Variants in CHRM5 observed in about 807,000 individuals in gnomAD.
CHRM5 encodes the protein cholinergic receptor muscarinic 5, also known as muscarinic acetylcholine receptor M5.
CHRM5 carries 18 observed loss-of-function variants against 39.0 expected under a neutral mutation model. That is an observed-to-expected ratio of 0.46 (90% CI 0.32 to 0.68). The LOEUF (loss-of-function observed/expected upper bound fraction) is 0.68, where lower values mean the gene tolerates loss of function less well. Among genes scored for constraint, CHRM5 ranks in the 30% least tolerant of loss-of-function variants. CHRM5 has a pLI of 0.04. For synonymous variants in CHRM5, 241 were observed against 246.3 expected (o/e 0.98, Z 0.20); for missense variants, 515 against 651.1 (o/e 0.79, Z 2.28).
intron 1 of CHRM5, among the ~76,000 whole-genome samples, chr15:34,041,828 TAGTA>T (rs1281804822): frequency 3.3e-5 from 5 of 152,214 alleles, no homozygotes; most frequent in Admixed American, 1.3e-4. Context: ...TTGCTCAAGC[TAGTA>T]AGTAACAGAA....
At position 34,066,807 on chromosome 15, in the gene CHRM5, C is replaced by T. The variant is rs941714262; in HGVS notation, c.*2491C>T. On this transcript the variant is annotated 3_prime_UTR_variant, in exon 3 of 3. Transcript: ENST00000383263. ...TCCAGTCTAAGTGACAGAGCAAGACCCTGCCTCAAAAAAAAAAAGAGAGAG... is the reference window on the plus strand; with the variant it reads ...TCCAGTCTAAGTGACAGAGCAAGACTCTGCCTCAAAAAAAAAAAGAGAGAG... 2 of 47,434 alleles carry T rather than the reference C, an allele frequency of 4.2e-5. No homozygotes were observed. Among genetic ancestry groups the T allele is most frequent in the African/African-American group, 1.4e-4 (2 of 13,830 alleles). 2.9% of individuals were successfully genotyped at this position (47,434 alleles called of 1,614,324 possible).
intron 2 of CHRM5, among the ~76,000 whole-genome samples, chr15:34,053,319 A>ATATATAT (rs1555520677): frequency 7.8e-4 from 33 of 42,052 alleles, no homozygotes; most frequent in South Asian, 3.0e-3. Context: ...AAAAAAAAAA[A>ATATATAT]ATATATATAT....
intron 1 of CHRM5, among the ~76,000 whole-genome samples, chr15:34,039,491 T>G (rs1899370616): frequency 6.6e-6 from 1 of 152,252 alleles, no homozygotes; most frequent in African/African-American, 2.4e-5. Flanking sequence ...GGTTAACTGC[T>G]GAGATTTGAA....
At chr15:33,997,872 T>C (rs1007956286) in intron 1 of CHRM5, among the ~76,000 whole-genome samples, 3 of 152,200 alleles carry the variant, frequency 2.0e-5, no homozygotes, top group African/African-American at 7.2e-5. Flanking sequence ...CAGGGAAAAG[T>C]ATACCTGTTC....
chr15:34,008,945 TGCGCGC>T (rs71119911), intron 1 of CHRM5, among the ~76,000 whole-genome samples: 10 of 149,026 alleles, frequency 6.7e-5, no homozygotes, highest in East Asian at 5.9e-4. Flanking sequence ...CACTCACACG[TGCGCGC>T]GCGCACACAC....
intron 1 of CHRM5, among the ~76,000 whole-genome samples, chr15:33,986,760 G>A (rs572757379): frequency 9.0e-6 from 1 of 111,212 alleles, no homozygotes; most frequent in South Asian, 2.6e-4. Context: ...AGGTTCAAGC[G>A]ATTCTCCTGT....
At chr15:34,032,521 G>A (rs941112102) in intron 1 of CHRM5, among the ~76,000 whole-genome samples, 1 of 152,118 alleles carries the variant, frequency 6.6e-6, no homozygotes, top group South Asian at 2.1e-4. Context: ...TGGATAGCCA[G>A]AAAACAAAAA....
At chr15:34,018,528 T>A (rs1250504444) in intron 1 of CHRM5, 2 of 152,628 alleles carry the variant, frequency 1.3e-5, no homozygotes, top group Non-Finnish European at 2.9e-5. Context: ...GGTGGGTTCG[T>A]GGTCTCGCTG....
chr15:34,064,093 A>C lies in CHRM5; in HGVS notation c.1376A>C (p.Asn459Thr). The change falls in exon 3 of 3, where the codon AAC (asparagine) becomes ACC (threonine). Residue 459 changes from asparagine to threonine, a missense_variant. Physicochemically the swap from Asn to Thr is moderately conservative, Grantham distance 65. Transcript: ENST00000383263. The part of the protein sequence containing the change: ...LAFIITWTPY[N>T]IMVLVSTFCD... The stretch of plus-strand genomic sequence containing the variant: ...TTCATCATCACATGGACCCCGTATA[A>C]CATCATGGTCCTGGTTTCTACCTTC... 1 of 1,614,150 alleles carries C rather than the reference A, an allele frequency of 6.2e-7. No individual in the cohort carries two copies. The highest frequency in any genetic ancestry group is 8.5e-7 in the Non-Finnish European group (1 of 1,180,028).
intron 1 of CHRM5, among the ~76,000 whole-genome samples, chr15:34,040,628 C>A (rs1899431364): frequency 6.6e-6 from 1 of 151,972 alleles, no homozygotes; most frequent in African/African-American, 2.4e-5. Context: ...TAAGTAACTT[C>A]CAAGATTACA....
At chr15:34,017,356 G>C (rs1347269426) in intron 1 of CHRM5, among the ~76,000 whole-genome samples, 1 of 151,888 alleles carries the variant, frequency 6.6e-6, no homozygotes, top group Non-Finnish European at 1.5e-5. Flanking sequence ...CCCAAAGAAT[G>C]ACATTTCAAA....
rs1899697918 is a variant in CHRM5, at chr15:34,046,704, G to C, written c.-243G>C. ...GCAGCTCTCATGCAAAGGAATGAAA[G>C]GTGTGAGTGAATACAGCGCCTTCAA... On this transcript the variant is annotated 5_prime_UTR_variant, in exon 2 of 3. Transcript: ENST00000383263. The C allele has an allele frequency of 6.6e-6, 1 of 152,248 alleles. No individual in the cohort carries two copies. Among genetic ancestry groups the C allele is most frequent in the Non-Finnish European group, 1.5e-5 (1 of 68,052 alleles). 9.4% of individuals were successfully genotyped at this position (152,248 alleles called of 1,614,324 possible).
chr15:34,064,002 C>A lies in CHRM5; in HGVS notation c.1285C>A (p.Arg429=), dbSNP rs772971999. The A allele has an allele frequency of 2.5e-6, 4 of 1,614,176 alleles. No homozygotes were observed. Among genetic ancestry groups the A allele is most frequent in the Non-Finnish European group, 8.5e-7 (1 of 1,180,030 alleles). Residue 429 remains arginine, a synonymous_variant, in exon 3 of 3, where the codon CGA becomes AGA. Transcript: ENST00000383263. The part of the protein sequence containing the change: ...NPNPSHQMTK[R]KRVVLVKERK... ...CAACCCCAGCCATCAAATGACCAAACGAAAGAGAGTGGTCCTAGTCAAAGA... is the reference window on the plus strand; with the variant it reads ...CAACCCCAGCCATCAAATGACCAAAAGAAAGAGAGTGGTCCTAGTCAAAGA...
At chr15:34,017,490 T>G (rs964873036) in intron 1 of CHRM5, among the ~76,000 whole-genome samples, 4 of 82,544 alleles carry the variant, frequency 4.8e-5, no homozygotes, top group African/African-American at 1.2e-4. Flanking sequence ...TTTTGTTTTT[T>G]TTTTTTTTTT....
intron 1 of CHRM5, among the ~76,000 whole-genome samples, chr15:34,033,676 G>C (rs567036910): frequency 1.9e-4 from 29 of 152,236 alleles, no homozygotes; most frequent in Admixed American, 5.9e-4. Flanking sequence ...AAACTTTCAA[G>C]TATGAAATAT....
chr15:33,988,479 T>C (rs979645164), intron 1 of CHRM5, among the ~76,000 whole-genome samples: 5 of 152,150 alleles, frequency 3.3e-5, no homozygotes, highest in Admixed American at 6.5e-5. Context: ...TTTAATGAAA[T>C]AGAGAATGTG....
At chr15:34,000,521 A>T (rs1447249105) in intron 1 of CHRM5, among the ~76,000 whole-genome samples, 1 of 152,230 alleles carries the variant, frequency 6.6e-6, no homozygotes, top group East Asian at 1.9e-4. Context: ...TTATGATTGC[A>T]CACCTAAGGA....
chr15:34,057,818 C>G (rs1333630246), intron 2 of CHRM5, among the ~76,000 whole-genome samples: 3 of 152,170 alleles, frequency 2.0e-5, no homozygotes, highest in South Asian at 4.1e-4. Flanking sequence ...TAATGTCATA[C>G]AGCAAGTAAT....
At position 34,009,070 on chromosome 15, in the gene CHRM5, A is replaced by G. The variant is rs562273700; in HGVS notation, c.-407-37470A>G. Among the ~76,000 whole-genome samples, 4 of 152,304 alleles carry G rather than the reference A, an allele frequency of 2.6e-5. No individual in the cohort carries two copies. The South Asian group carries it at 8.3e-4, about 32-fold the overall frequency. On this transcript the variant is annotated intron_variant, in intron 1 of 2. Transcript: ENST00000383263. ...AATTAATGGCTAACTTCTCATCAGAATCAACGGAAGCCAGAAGGCAATAAT... is the reference window on the plus strand; with the variant it reads ...AATTAATGGCTAACTTCTCATCAGAGTCAACGGAAGCCAGAAGGCAATAAT...
Sources: gnomAD v4.1 joint callset for allele counts (sites outside exome capture counted in the v4.1 genomes callset) on GRCh38, gnomAD v4.1.1 for gene constraint, MANE v1.5 for transcripts, NCBI Gene and HGNC (gene_info 2026-07-23, HGNC 2026-07-21) for gene names.